ABCB11: variants seen among roughly 807,000 people sequenced by gnomAD.
ABCB11 encodes the protein ATP binding cassette subfamily B member 11, also known as bile salt export pump.
Under a neutral mutation model 148.0 loss-of-function variants are expected in ABCB11, and 95 were observed. That is an observed-to-expected ratio of 0.64 (90% CI 0.54 to 0.76). ABCB11 has a LOEUF of 0.76. ABCB11 is among the 30% of genes least tolerant of loss of function. The pLI, the probability that ABCB11 is intolerant of heterozygous loss-of-function variation, is 0.00. For synonymous variants in ABCB11, 591 were observed against 555.4 expected (o/e 1.06, Z -0.90); for missense variants, 1,523 against 1,617.8 (o/e 0.94, Z 1.01).
At chr2:168,997,721 T>C (rs903545356) in intron 5 of ABCB11, among the ~76,000 whole-genome samples, 3 of 152,002 alleles carry the variant, frequency 2.0e-5, no homozygotes, top group Admixed American at 6.6e-5. Flanking sequence ...TTTTCTCTAT[T>C]GAACTCAGGT....
intron 6 of ABCB11, among the ~76,000 whole-genome samples, chr2:168,995,975 T>TA (rs3083997): frequency 0.072 from 4,549 of 62,986 alleles, 495 homozygotes; most frequent in African/African-American, 0.16. Context: ...TTTCCCTAAC[T>TA]AAAAAAAAAA....
intron 19 of ABCB11, among the ~76,000 whole-genome samples, chr2:168,946,604 ACTGTGCAAATACC>A (rs1692334773): frequency 6.6e-6 from 1 of 151,802 alleles, no homozygotes. Flanking sequence ...TTTTAAAATT[ACTGTGCAAATACC>A]CTGAAACCCC....
chr2:169,014,486 A>T, intron 3 of ABCB11, 132 bp from the exon 4 acceptor site: 1 of 786,516 alleles, frequency 1.3e-6, no homozygotes. Flanking sequence ...TTCTGGCCAA[A>T]CCTAGTATCT....
chr2:168,941,193 G>A (rs1692046469), intron 21 of ABCB11, among the ~76,000 whole-genome samples: 1 of 151,832 alleles, frequency 6.6e-6, no homozygotes, highest in Non-Finnish European at 1.5e-5. Flanking sequence ...ATTCCTCTGA[G>A]GGAACTGGGC....
intron 23 of ABCB11, among the ~76,000 whole-genome samples, chr2:168,933,809 A>T (rs1691694388): frequency 6.6e-6 from 1 of 152,120 alleles, no homozygotes; most frequent in Non-Finnish European, 1.5e-5. Context: ...TAGTGGCATG[A>T]TCTCAGCTCA....
At chr2:168,934,138 T>C (rs1691712034) in intron 23 of ABCB11, among the ~76,000 whole-genome samples, 1 of 152,148 alleles carries the variant, frequency 6.6e-6, no homozygotes, top group Non-Finnish European at 1.5e-5. Flanking sequence ...TTCTAAAACC[T>C]TAATATAAAC....
chr2:169,016,640 G>T, intron 3 of ABCB11, 138 bp downstream of exon 3: 1 of 728,040 alleles, frequency 1.4e-6, no homozygotes, highest in Non-Finnish European at 2.3e-6. Context: ...ATATTTTAAA[G>T]AGAAAAAGAA....
intron 1 of ABCB11, among the ~76,000 whole-genome samples, chr2:169,028,224 T>C (rs1198649863): frequency 6.6e-6 from 1 of 151,904 alleles, no homozygotes; most frequent in Non-Finnish European, 1.5e-5. Flanking sequence ...AAAAATTGTG[T>C]GGAGCACCAG....
intron 19 of ABCB11, among the ~76,000 whole-genome samples, chr2:168,956,315 T>C (rs754612600): frequency 4.0e-5 from 6 of 151,686 alleles, no homozygotes; most frequent in African/African-American, 7.3e-5. Context: ...GAGATTTGGG[T>C]GGGGACACAA....
intron 22 of ABCB11, 86 bp downstream of exon 22, chr2:168,936,144 C>T (rs1018656065): frequency 7.7e-7 from 1 of 1,305,696 alleles, no homozygotes. Context: ...CAGCTTCCTT[C>T]AGTCTCTTCG....
chr2:168,947,912 CAAG>C (rs1292576316), intron 19 of ABCB11, among the ~76,000 whole-genome samples: 1 of 151,554 alleles, frequency 6.6e-6, no homozygotes, highest in Non-Finnish European at 1.5e-5. Context: ...AGCAGGTGCT[CAAG>C]AAGGACAGCA....
chr2:169,027,335 C>A (rs924446477), intron 1 of ABCB11, among the ~76,000 whole-genome samples: 1 of 152,138 alleles, frequency 6.6e-6, no homozygotes, highest in East Asian at 1.9e-4. Flanking sequence ...CTTAATTGTC[C>A]ACACCAACTC....
At chr2:168,967,249 T>C (rs1026391573) in intron 17 of ABCB11, among the ~76,000 whole-genome samples, 3 of 151,882 alleles carry the variant, frequency 2.0e-5, no homozygotes, top group Admixed American at 2.0e-4. Flanking sequence ...ACCTTTTACA[T>C]GACAGAGTAA....
chr2:168,957,932 G>C (rs1421141234), intron 19 of ABCB11, 32 bp downstream of exon 19: 4 of 1,474,664 alleles, frequency 2.7e-6, no homozygotes, highest in Non-Finnish European at 3.6e-6. Flanking sequence ...AAAGGTATGA[G>C]AAGAAGAAAG....
At chr2:168,975,056 A>G (rs1379916729) in intron 12 of ABCB11, among the ~76,000 whole-genome samples, 1 of 143,768 alleles carries the variant, frequency 7.0e-6, no homozygotes, top group East Asian at 2.1e-4. Context: ...ATATATAGAT[A>G]TAAAATATAG....
At chr2:168,970,382 T>C in intron 14 of ABCB11, 167 bp from the exon 15 acceptor site, 2 of 1,501,526 alleles carry the variant, frequency 1.3e-6, no homozygotes, top group Non-Finnish European at 1.8e-6. Context: ...TATTGTCTAA[T>C]CAATATTTAT....
At chr2:169,021,276 A>G (rs1353262614) in intron 1 of ABCB11, among the ~76,000 whole-genome samples, 1 of 152,106 alleles carries the variant, frequency 6.6e-6, no homozygotes, top group Admixed American at 6.6e-5. Flanking sequence ...CCAGACATAT[A>G]CTTATTATAA....
chr2:168,926,856 A>G (rs1691335187), intron 26 of ABCB11, among the ~76,000 whole-genome samples: 1 of 152,176 alleles, frequency 6.6e-6, no homozygotes, highest in African/African-American at 2.4e-5. Flanking sequence ...AAGTCTAACC[A>G]CAAAATTCCT....
chr2:169,001,087 A>G (rs1209694560), intron 5 of ABCB11, among the ~76,000 whole-genome samples: 1 of 152,172 alleles, frequency 6.6e-6, no homozygotes, highest in Non-Finnish European at 1.5e-5. Context: ...TGAAATATAT[A>G]AAGATTACCT....
Sources: allele counts gnomAD v4.1 joint callset (sites outside exome capture counted in the v4.1 genomes callset), GRCh38; gene constraint gnomAD v4.1.1; transcripts MANE v1.5; gene names NCBI Gene and HGNC (gene_info 2026-07-23, HGNC 2026-07-21).